MGAT5B: variants seen among roughly 807,000 people sequenced by gnomAD.
The protein encoded by MGAT5B is N-acetylglucosaminyl-transferase Vb.
A neutral mutation model predicts 95.1 loss-of-function variants in MGAT5B; 54 were observed. That is an observed-to-expected ratio of 0.57 (90% CI 0.46 to 0.71). The LOEUF (loss-of-function observed/expected upper bound fraction) is 0.71. Among genes scored for constraint, MGAT5B ranks in the 30% least tolerant of loss-of-function variants. MGAT5B has a pLI of 0.00. For synonymous variants in MGAT5B, 464 were observed against 451.0 expected (o/e 1.03, Z -0.36); for missense variants, 935 against 1,088.6 (o/e 0.86, Z 1.99).
rs531994457 is a variant in MGAT5B, at chr17:76,948,034, A to G, written c.2128A>G (p.Ile710Val). The G allele has an allele frequency of 2.5e-6, 4 of 1,612,908 alleles. No individual in the cohort carries two copies. The highest frequency in any genetic ancestry group is 1.3e-5 in the African/African-American group (1 of 75,050). ...CGACACCTGCCTGGACCACGGGCTAATCTGTGAGCCCTCCTTCTTCCCCTT... is the reference window on the plus strand; with the variant it reads ...CGACACCTGCCTGGACCACGGGCTAGTCTGTGAGCCCTCCTTCTTCCCCTT... ...CTDTCLDHGL[I>V]CEPSFFPFLN... Residue 710 changes from isoleucine to valine, a missense_variant, in exon 17 of 18, where the codon ATC (isoleucine) becomes GTC (valine). This residue lies in a region of MGAT5B where 440 missense variants were observed against 523.6 expected (regional missense o/e 0.84). Coordinates refer to ENST00000569840, the MANE Select transcript of MGAT5B (RefSeq NM_001199172.2).
At chr17:76,927,998 CT>C (rs1969367775) in intron 10 of MGAT5B, among the ~76,000 whole-genome samples, 1 of 152,018 alleles carries the variant, frequency 6.6e-6, no homozygotes, top group East Asian at 1.9e-4. Flanking sequence ...TTGGACTATT[CT>C]TTTTTTTCTG....
chr17:76,909,051 C>A (rs1466292166), intron 8 of MGAT5B, among the ~76,000 whole-genome samples: 27 of 152,176 alleles, frequency 1.8e-4, no homozygotes, highest in Admixed American at 1.8e-3. Context: ...AGGTGATCCA[C>A]CTGCTTTGGC....
intron 8 of MGAT5B, among the ~76,000 whole-genome samples, chr17:76,923,157 G>C (rs895545658): frequency 6.6e-6 from 1 of 152,196 alleles, no homozygotes; most frequent in African/African-American, 2.4e-5. Flanking sequence ...GAGCTTCTGA[G>C]CATGCGCAAA....
Position 76,932,728 on chromosome 17 carries a change from G to A in MGAT5B, c.1375G>A (p.Ala459Thr), listed in dbSNP as rs1247933544. The change falls in exon 11 of 18, where the codon GCC becomes ACC. Residue 459 changes from alanine to threonine, a missense_variant. This residue lies in a region of MGAT5B where 440 missense variants were observed against 523.6 expected (regional missense o/e 0.84). Coordinates refer to ENST00000569840, the MANE Select transcript of MGAT5B (RefSeq NM_001199172.2). ...TEKRLIKGGK[A>T]SNMAVVYGKE... is the part of the protein sequence containing the mutation. ...GAAGCGGCTCATCAAAGGCGGCAAGGCCAGCAACATGGCCGTGGTGTACGG... is the reference window on the plus strand; with the variant it reads ...GAAGCGGCTCATCAAAGGCGGCAAGACCAGCAACATGGCCGTGGTGTACGG... 1 of 1,613,966 alleles carries A rather than the reference G, an allele frequency of 6.2e-7. No homozygotes were observed. Among genetic ancestry groups the A allele is most frequent in the South Asian group, 1.1e-5 (1 of 91,084 alleles).
chr17:76,870,506 G>A lies in MGAT5B; in HGVS notation c.68+1409G>A, dbSNP rs1254985148. ...CGACCCCATCCCTGTCCCGCCCTCC[G>A]GGCCGCTGGGTGTTTCCTGGCGCGA... On this transcript the variant is annotated intron_variant, in intron 1 of 17. Coordinates refer to ENST00000569840, the MANE Select transcript of MGAT5B (RefSeq NM_001199172.2). This position sits in a 1 kb window ranked among gnomAD's most constrained non-coding sequence, Gnocchi z 5.0. Among the ~76,000 whole-genome samples, 1 of 152,124 alleles carries A rather than the reference G, an allele frequency of 6.6e-6. No homozygotes were observed. Among genetic ancestry groups the A allele is most frequent in the African/African-American group, 2.4e-5 (1 of 41,436 alleles).
intron 10 of MGAT5B, among the ~76,000 whole-genome samples, chr17:76,927,197 G>C (rs1204230122): frequency 1.3e-5 from 2 of 152,120 alleles, no homozygotes; most frequent in African/African-American, 2.4e-5. Flanking sequence ...GGCTTCCAGG[G>C]CTCCAGGCAA....
At chr17:76,897,847 G>T (rs1187801535) in intron 3 of MGAT5B, among the ~76,000 whole-genome samples, 1 of 150,882 alleles carries the variant, frequency 6.6e-6, no homozygotes, top group Non-Finnish European at 1.5e-5. Flanking sequence ...CGTGAGGTCA[G>T]GAGTTTGAGA....
chr17:76,946,206 A>C, intron 15 of MGAT5B, 170 bp from the exon 16 acceptor site: 2 of 554,076 alleles, frequency 3.6e-6, no homozygotes, highest in Non-Finnish European at 6.4e-6. Flanking sequence ...TGTGCGGGGA[A>C]CGGGGACTCT....
In MGAT5B at chr17:76,869,038, C is replaced by T. The variant is rs1966895225; in HGVS notation, c.9C>T (p.Thr3=). 2.5e-6 allele frequency: 4 copies of T among 1,613,924 alleles called. No individual in the cohort carries two copies. The highest frequency in any genetic ancestry group is 1.3e-5 in the African/African-American group (1 of 74,942). The change falls in exon 1 of 18, where the codon ACC becomes ACT. Residue 3 remains threonine (T), a synonymous_variant. Transcript: ENST00000569840. The surrounding 1 kb of genome is among the most constrained non-coding windows in gnomAD (Gnocchi z 7.0). MI[T]VNPDGKIMVR... ...ACCAACAAGTTTGAACAATGATCACCGTCAACCCCGATGGGAAGATAATGG... is the reference window on the plus strand; with the variant it reads ...ACCAACAAGTTTGAACAATGATCACTGTCAACCCCGATGGGAAGATAATGG...
In MGAT5B at chr17:76,869,739, G is replaced by A. The variant is rs1306928198; in HGVS notation, c.68+642G>A. ...GGGCGGCGCTGCAGGGCTACGGGGC[G>A]GCTGGAGCCGAGGCTGCGGCGGAGC... On this transcript the variant is annotated intron_variant, in intron 1 of 17. Transcript: ENST00000569840. The surrounding 1 kb of genome is among the most constrained non-coding windows in gnomAD (Gnocchi z 7.0). 6.6e-6 allele frequency among the ~76,000 whole-genome samples: 1 copy of A among 152,192 alleles called. No homozygotes were observed. Among genetic ancestry groups the A allele is most frequent in the Non-Finnish European group, 1.5e-5 (1 of 68,016 alleles).
In MGAT5B at chr17:76,900,643, C is replaced by T. The variant is rs188295502; in HGVS notation, c.330-1912C>T. The stretch of plus-strand genomic sequence containing the variant: ...AGGCTCCCCTAGAGTCTAAAGGCGC[C>T]GGCCCTGCTGCCACCTCGCTGTCTG... On this transcript the variant is annotated intron_variant, in intron 3 of 17. Transcript: ENST00000569840. Among the ~76,000 whole-genome samples, 35 of 152,346 alleles carry T rather than the reference C, an allele frequency of 2.3e-4. No individual in the cohort carries two copies. The East Asian group carries it at 5.8e-3, about 25-fold the overall frequency.
Position 76,940,217 on chromosome 17 carries a change from G to C in MGAT5B, c.1585-185G>C, listed in dbSNP as rs80329911. Reference sequence around the variant, plus strand: ...GGGGAAGTGCTTGCCCGTGGCACAAGATGTTCTGGGCTGGCTTTTCCAGCC... The same window carrying C: ...GGGGAAGTGCTTGCCCGTGGCACAACATGTTCTGGGCTGGCTTTTCCAGCC... On this transcript the variant is annotated intron_variant, in intron 13 of 17. Coordinates refer to ENST00000569840, the MANE Select transcript of MGAT5B (RefSeq NM_001199172.2). This position sits in a 1 kb window ranked among gnomAD's most constrained non-coding sequence, Gnocchi z 4.3. 6.6e-6 allele frequency among the ~76,000 whole-genome samples: 1 copy of C among 152,190 alleles called. No individual in the cohort carries two copies. The highest frequency in any genetic ancestry group is 1.5e-5 in the Non-Finnish European group (1 of 68,024).
At chr17:76,899,230 G>A (rs1472977684) in intron 3 of MGAT5B, among the ~76,000 whole-genome samples, 2 of 152,140 alleles carry the variant, frequency 1.3e-5, no homozygotes, top group Non-Finnish European at 1.5e-5. Context: ...TAGGACAGGC[G>A]CCCAGTTTTT....
intron 8 of MGAT5B, among the ~76,000 whole-genome samples, chr17:76,909,172 C>T (rs537585907): frequency 6.6e-6 from 1 of 152,062 alleles, no homozygotes; most frequent in East Asian, 1.9e-4. Context: ...CCATGTTGCC[C>T]AGGCTGGTCT....
At chr17:76,910,705 C>A (rs1216260754) in intron 8 of MGAT5B, among the ~76,000 whole-genome samples, 1 of 152,262 alleles carries the variant, frequency 6.6e-6, no homozygotes, top group Non-Finnish European at 1.5e-5. Flanking sequence ...CACTTCCTCT[C>A]AAGCTCTTGC....
At chr17:76,897,915 G>T (rs991325345) in intron 3 of MGAT5B, among the ~76,000 whole-genome samples, 1 of 151,432 alleles carries the variant, frequency 6.6e-6, no homozygotes, top group Non-Finnish European at 1.5e-5. Context: ...AATTAGCCAG[G>T]CATGGTGGCA....
At chr17:76,877,281 C>A (rs623531) in intron 2 of MGAT5B, among the ~76,000 whole-genome samples, 14,781 of 148,166 alleles carry the variant, frequency 0.1, 1,859 homozygotes, top group African/African-American at 0.3. Flanking sequence ...ACTGAGATTG[C>A]GCCACTGCAC....
chr17:76,948,560 T>C, intron 17 of MGAT5B, 80 bp from the exon 18 acceptor site: 1 of 1,394,726 alleles, frequency 7.2e-7, no homozygotes, highest in Non-Finnish European at 9.9e-7. Context: ...AGGACTAGGC[T>C]GGGGGCAGCC....
At chr17:76,948,565 G>A in intron 17 of MGAT5B, 75 bp from the exon 18 acceptor site, 8 of 1,423,456 alleles carry the variant, frequency 5.6e-6, no homozygotes, top group Non-Finnish European at 2.9e-6. Context: ...TAGGCTGGGG[G>A]CAGCCCCTAC....
Sources: allele counts gnomAD v4.1 joint callset (sites outside exome capture counted in the v4.1 genomes callset), GRCh38; gene constraint gnomAD v4.1.1; regional missense constraint gnomAD v4.1.1; non-coding constraint Gnocchi (gnomAD v3.1); transcripts MANE v1.5; gene names NCBI Gene and HGNC (gene_info 2026-07-23, HGNC 2026-07-21).